SREK1IP1: variants seen among roughly 807,000 people sequenced by gnomAD.
SREK1IP1 encodes the protein SREK1 interacting protein 1.
A neutral mutation model predicts 22.8 loss-of-function variants in SREK1IP1; 12 were observed. That is an observed-to-expected ratio of 0.53 (90% CI 0.34 to 0.85). The LOEUF is 0.85. Among genes scored for constraint, SREK1IP1 ranks in the 40% least tolerant of loss-of-function variants. SREK1IP1 has a pLI of 0.02. For synonymous variants in SREK1IP1, 53 were observed against 52.7 expected (o/e 1.01, Z -0.02); for missense variants, 147 against 171.8 (o/e 0.86, Z 0.81).
chr5:64,745,892 G>A (rs903183232), intron 2 of SREK1IP1, among the ~76,000 whole-genome samples: 1 of 151,884 alleles, frequency 6.6e-6, no homozygotes, highest in Non-Finnish European at 1.5e-5. Flanking sequence ...AGTTCTTATG[G>A]CTAGCAATCT....
chr5:64,728,623 A>AAT lies in SREK1IP1; in HGVS notation c.206-446_206-445dup, dbSNP rs113425886. Among the ~76,000 whole-genome samples, 4 of 152,318 alleles carry AAT rather than the reference A, an allele frequency of 2.6e-5. 1 individual carries two copies. Among genetic ancestry groups the AAT allele is most frequent in the African/African-American group, 9.6e-5 (4 of 41,578 alleles). On this transcript the variant is annotated intron_variant, in intron 3 of 4. Transcript: ENST00000513458. Reference sequence around the variant, plus strand: ...TGTAGGCATTCTTTATATAAAACCAAATACACACACATTTACTCATACACA... The same window carrying AAT: ...TGTAGGCATTCTTTATATAAAACCAAATATACACACACATTTACTCATACACA...
chr5:64,753,793 C>T (rs1352049334), intron 2 of SREK1IP1, among the ~76,000 whole-genome samples: 2 of 152,158 alleles, frequency 1.3e-5, no homozygotes, highest in African/African-American at 2.4e-5. Context: ...TATAAAATTA[C>T]AAATTTATAT....
At chr5:64,740,306 T>C (rs1742532105) in intron 3 of SREK1IP1, among the ~76,000 whole-genome samples, 1 of 152,128 alleles carries the variant, frequency 6.6e-6, no homozygotes, top group Non-Finnish European at 1.5e-5. Context: ...CCCCTATTTA[T>C]ATAATTATCA....
chr5:64,721,334 G>T lies in SREK1IP1; in HGVS notation c.*3050C>A, dbSNP rs2112080767. 1 of 152,234 alleles carries T rather than the reference G, an allele frequency of 6.6e-6. No individual in the cohort carries two copies. Among genetic ancestry groups the T allele is most frequent in the South Asian group, 2.1e-4 (1 of 4,816 alleles). The allele number at this position is 152,234 out of a possible 1,614,324, so 9.4% of individuals were successfully genotyped here. A position where few individuals can be genotyped will look rare whatever the true frequency, so the allele number is the denominator to read the frequency against. ...GTTAGGTACTCAATAAATATTTGTT[G>T]AAGAAAGGATTCAATGGCATTTTTA... On this transcript the variant is annotated 3_prime_UTR_variant, in exon 5 of 5. Transcript: ENST00000513458.
intron 2 of SREK1IP1, among the ~76,000 whole-genome samples, chr5:64,746,964 A>G (rs1742648260): frequency 6.6e-6 from 1 of 152,222 alleles, no homozygotes; most frequent in Non-Finnish European, 1.5e-5. Context: ...ACTCAGCAAA[A>G]CAGTTTACTT....
intron 1 of SREK1IP1, among the ~76,000 whole-genome samples, chr5:64,759,884 A>G (rs913752526): frequency 6.6e-6 from 1 of 152,178 alleles, no homozygotes; most frequent in African/African-American, 2.4e-5. Context: ...TGCTGGCAGG[A>G]GCATAAATTA....
intron 1 of SREK1IP1, among the ~76,000 whole-genome samples, chr5:64,758,549 T>A (rs1742890071): frequency 6.6e-6 from 1 of 152,220 alleles, no homozygotes; most frequent in South Asian, 2.1e-4. Flanking sequence ...AACAACTGCA[T>A]GTTGAGAAAA....
chr5:64,762,155 T>C lies in SREK1IP1; in HGVS notation c.13+6350A>G, dbSNP rs547896244. Among the ~76,000 whole-genome samples, 18 of 152,366 alleles carry C rather than the reference T, an allele frequency of 1.2e-4. No individual in the cohort carries two copies. The South Asian group carries it at 3.5e-3, about 30-fold the overall frequency. On this transcript the variant is annotated intron_variant, in intron 1 of 4. Coordinates refer to ENST00000513458, the MANE Select transcript of SREK1IP1 (RefSeq NM_173829.4). ...TTAGAACTTAATATATTTTTCCTAT[T>C]GTCTATTTTGGAATTTAGGGAAGCC...
chr5:64,723,883 TA>T lies in SREK1IP1; in HGVS notation c.*500del, dbSNP rs1261609863. ...CATTGAAAAAAAATCCCTAGAGATT[TA>T]AAAAACTGAAGAATTTCACTATCTT... On this transcript the variant is annotated 3_prime_UTR_variant, in exon 5 of 5. Transcript: ENST00000513458. 6.6e-6 allele frequency: 1 copy of T among 152,646 alleles called. No individual in the cohort carries two copies. Among genetic ancestry groups the T allele is most frequent in the Non-Finnish European group, 1.5e-5 (1 of 68,050 alleles). 9.5% of individuals were successfully genotyped at this position (152,646 alleles called of 1,614,324 possible). A position where few individuals can be genotyped will look rare whatever the true frequency, so the allele number is the denominator to read the frequency against.
At chr5:64,740,262 G>GA (rs1364834563) in intron 3 of SREK1IP1, among the ~76,000 whole-genome samples, 2 of 151,174 alleles carry the variant, frequency 1.3e-5, no homozygotes, top group Non-Finnish European at 3.0e-5. Flanking sequence ...AGATCTCCTG[G>GA]AAAAAAAATA....
At position 64,766,695 on chromosome 5, in the gene SREK1IP1, C is replaced by T. The variant is rs184451219; in HGVS notation, c.13+1810G>A. ...CCTTGTAAGTTATCCTATACGATGGCAAAATGAATGAAGTACACAGTCTAG... is the reference window on the plus strand; with the variant it reads ...CCTTGTAAGTTATCCTATACGATGGTAAAATGAATGAAGTACACAGTCTAG... On this transcript the variant is annotated intron_variant, in intron 1 of 4. Transcript: ENST00000513458. 1.6e-3 allele frequency among the ~76,000 whole-genome samples: 241 copies of T among 152,270 alleles called. 3 individuals are homozygous for T. In the South Asian group the frequency reaches 0.017, roughly 11 times the overall value.
intron 2 of SREK1IP1, among the ~76,000 whole-genome samples, chr5:64,752,656 AAGAG>A (rs890808708): frequency 3.9e-5 from 6 of 152,342 alleles, no homozygotes; most frequent in East Asian, 3.9e-4. Context: ...TTTGCAACAA[AAGAG>A]AGAGAATATT....
At chr5:64,749,712 A>C (rs1386515445) in intron 2 of SREK1IP1, among the ~76,000 whole-genome samples, 1 of 152,160 alleles carries the variant, frequency 6.6e-6, no homozygotes, top group Non-Finnish European at 1.5e-5. Flanking sequence ...AAGTGCTAGG[A>C]TTACAGGCAT....
At chr5:64,765,550 C>T (rs7735898) in intron 1 of SREK1IP1, among the ~76,000 whole-genome samples, 2,977 of 152,254 alleles carry the variant, frequency 0.02, 91 homozygotes, top group African/African-American at 0.069. Flanking sequence ...AATTATCTTA[C>T]GATTTTCTGT....
chr5:64,757,824 G>A (rs778358976), intron 1 of SREK1IP1, among the ~76,000 whole-genome samples: 11 of 144,880 alleles, frequency 7.6e-5, no homozygotes, highest in African/African-American at 2.0e-4. Context: ...ACCAATTAAC[G>A]TGTAAAACTG....
chr5:64,752,131 G>A (rs1475272525), intron 2 of SREK1IP1, among the ~76,000 whole-genome samples: 1 of 120,308 alleles, frequency 8.3e-6, no homozygotes, highest in Non-Finnish European at 1.8e-5. Flanking sequence ...CTTTTTCTGT[G>A]AATTTTTTTT....
At chr5:64,753,341 T>C (rs7715910) in intron 2 of SREK1IP1, among the ~76,000 whole-genome samples, 95,175 of 152,106 alleles carry the variant, frequency 0.63, 31,637 homozygotes, top group African/African-American at 0.87. Context: ...AGCAAACAAG[T>C]AGAAATATAA....
At chr5:64,727,553 A>ATATATATATATATTTT in intron 4 of SREK1IP1, 1 of 84,716 alleles carries the variant, frequency 1.2e-5, no homozygotes, top group African/African-American at 5.5e-5. Flanking sequence ...ATATATATAT[A>ATATATATATATATTTT]TTTTTTTTTT....
chr5:64,720,487 T>C lies in SREK1IP1; in HGVS notation c.*3897A>G, dbSNP rs890106112. 4.7e-5 allele frequency: 7 copies of C among 150,494 alleles called. No homozygotes were observed. The highest frequency in any genetic ancestry group is 5.9e-5 in the Non-Finnish European group (4 of 67,830). 9.3% of individuals were successfully genotyped at this position (150,494 alleles called of 1,614,324 possible). On this transcript the variant is annotated 3_prime_UTR_variant, in exon 5 of 5. Coordinates refer to ENST00000513458, the MANE Select transcript of SREK1IP1 (RefSeq NM_173829.4). ...TGAAATTGATAAAACCAAACCCTAA[T>C]AAAAGTCATTTCCTTCCTTAAAATC...
Sources: allele counts gnomAD v4.1 joint callset (sites outside exome capture counted in the v4.1 genomes callset), GRCh38; gene constraint gnomAD v4.1.1; transcripts MANE v1.5; gene names NCBI Gene and HGNC (gene_info 2026-07-23, HGNC 2026-07-21).